The following FLYWCH2 variants were observed in gnomAD, a reference collection of about 807,000 sequenced individuals.
The protein encoded by FLYWCH2 is FLYWCH family member 2.
Under a neutral mutation model 6.0 loss-of-function variants are expected in FLYWCH2, and 2 were observed. That is an observed-to-expected ratio of 0.33 (90% CI 0.14 to 1.04). The LOEUF (loss-of-function observed/expected upper bound fraction) is 1.04. Among genes scored for constraint, FLYWCH2 ranks in the 50% least tolerant of loss-of-function variants. The pLI is 0.45. For synonymous variants in FLYWCH2, 87 were observed against 79.3 expected, an observed-to-expected ratio of 1.10 and a Z score of -0.52; for missense variants, 192 against 183.4, an observed-to-expected ratio of 1.05 and a Z score of -0.27.
intron 1 of FLYWCH2, among the ~76,000 whole-genome samples, chr16:2,888,050 CCAGGCTG>C (rs1388924941): frequency 9.2e-5 from 14 of 151,866 alleles, no homozygotes; most frequent in Non-Finnish European, 1.9e-4. Flanking sequence ...GCTCTGTTGC[CCAGGCTG>C]GAGTGTAGTG....
intron 1 of FLYWCH2, among the ~76,000 whole-genome samples, chr16:2,890,295 C>G (rs1263108098): frequency 6.6e-6 from 1 of 151,352 alleles, no homozygotes; most frequent in Admixed American, 6.6e-5. Flanking sequence ...GTTGCCCAGG[C>G]TGGAGTGCAG....
intron 1 of FLYWCH2, among the ~76,000 whole-genome samples, chr16:2,884,462 C>T (rs2069673628): frequency 6.8e-6 from 1 of 148,010 alleles, no homozygotes; most frequent in East Asian, 2.0e-4. Flanking sequence ...GTGGTTCACG[C>T]CTGTAATCCT....
intron 1 of FLYWCH2, among the ~76,000 whole-genome samples, chr16:2,889,890 G>C (rs148809824): frequency 3.9e-5 from 6 of 152,226 alleles, no homozygotes; most frequent in African/African-American, 1.4e-4. Flanking sequence ...TTCGAGACCA[G>C]TCTGGACGAC....
chr16:2,886,378 T>G (rs2069698512), intron 1 of FLYWCH2, among the ~76,000 whole-genome samples: 1 of 149,804 alleles, frequency 6.7e-6, no homozygotes, highest in African/African-American at 2.5e-5. Flanking sequence ...AAAATAATTT[T>G]TGTATTTTTA....
At chr16:2,891,396 T>G (rs2069755823) in intron 1 of FLYWCH2, among the ~76,000 whole-genome samples, 1 of 152,054 alleles carries the variant, frequency 6.6e-6, no homozygotes, top group African/African-American at 2.4e-5. Flanking sequence ...TCTCTCTATT[T>G]TATTTTTATT....
chr16:2,887,347 G>C (rs1351394791), intron 1 of FLYWCH2, among the ~76,000 whole-genome samples: 2 of 138,986 alleles, frequency 1.4e-5, no homozygotes, highest in South Asian at 2.3e-4. Context: ...TTTTAGTAGA[G>C]ATGAGGTCTC....
At chr16:2,897,423 C>T (rs1046612625) in intron 3 of FLYWCH2, among the ~76,000 whole-genome samples, 4 of 152,154 alleles carry the variant, frequency 2.6e-5, no homozygotes, top group Non-Finnish European at 5.9e-5. Context: ...GCCCTAGCTG[C>T]TGCGGGCTGG....
chr16:2,898,091 G>C (rs567967908), intron 3 of FLYWCH2, among the ~76,000 whole-genome samples: 1 of 152,308 alleles, frequency 6.6e-6, no homozygotes, highest in Non-Finnish European at 1.5e-5. Flanking sequence ...CTCACTGATG[G>C]AAATTGAGGG....
intron 1 of FLYWCH2, among the ~76,000 whole-genome samples, chr16:2,889,680 A>G (rs1480172307): frequency 6.6e-6 from 1 of 152,086 alleles, no homozygotes. Context: ...TTTATTTTGG[A>G]ATTATTTTAG....
intron 3 of FLYWCH2, chr16:2,898,839 G>A: frequency 4.4e-6 from 2 of 456,516 alleles, no homozygotes; most frequent in East Asian, 3.6e-5. Flanking sequence ...CAAGTTTCCT[G>A]GAAATGACTT....
intron 1 of FLYWCH2, among the ~76,000 whole-genome samples, chr16:2,884,704 G>A (rs1052058184): frequency 6.6e-6 from 1 of 151,082 alleles, no homozygotes; most frequent in African/African-American, 2.4e-5. Flanking sequence ...GAGAAACCCC[G>A]TCTCAACTAA....
chr16:2,893,112 G>T (rs1399434334), intron 1 of FLYWCH2, among the ~76,000 whole-genome samples: 1 of 151,582 alleles, frequency 6.6e-6, no homozygotes, highest in African/African-American at 2.4e-5. Flanking sequence ...ACCCGTCCAA[G>T]GACTCCATGT....
At chr16:2,889,209 C>CT (rs1329641985) in intron 1 of FLYWCH2, among the ~76,000 whole-genome samples, 2,177 of 126,348 alleles carry the variant, frequency 0.017, 90 homozygotes, top group African/African-American at 0.05. Context: ...CTAACCTTTA[C>CT]TTTTTTTTTT....
chr16:2,896,725 G>A lies in FLYWCH2; in HGVS notation c.276G>A (p.Glu92=). ...QTHPEAQRAI[E]AAPQEPEQKR... is the part of the protein sequence containing the mutation. ...ACCCCGAGGCCCAGCGGGCCATTGA[G>A]GCAGCCCCTCAGGAGCCTGAGCAGA... Residue 92 remains glutamate (E), a synonymous_variant, in exon 3 of 4, where the codon GAG becomes GAA. Transcript: ENST00000396958. 9 of 1,612,224 alleles carry A rather than the reference G, an allele frequency of 5.6e-6. No homozygotes were observed. Among genetic ancestry groups the A allele is most frequent in the African/African-American group, 1.3e-5 (1 of 75,064 alleles).
chr16:2,886,563 C>G (rs2069701430), intron 1 of FLYWCH2, among the ~76,000 whole-genome samples: 2 of 127,770 alleles, frequency 1.6e-5, no homozygotes, highest in Non-Finnish European at 3.1e-5. Flanking sequence ...CTCTTGTTGT[C>G]CCGGCTGGAG....
chr16:2,896,868 G>A (rs1273963311), intron 3 of FLYWCH2, 97 bp downstream of exon 3: 10 of 1,184,774 alleles, frequency 8.4e-6, no homozygotes, highest in South Asian at 2.9e-5. Context: ...CCTGGCATGC[G>A]GGTCCTTGTT....
At position 2,896,538 on chromosome 16, in the gene FLYWCH2, C is replaced by T. The variant is rs139891724; in HGVS notation, c.89C>T (p.Pro30Leu). The change falls in exon 3 of 4, where the codon CCG (proline) becomes CTG (leucine). Residue 30 changes from proline to leucine, a missense_variant. Pro to Leu is a moderately conservative substitution (Grantham distance 98). Coordinates refer to ENST00000396958, the MANE Select transcript of FLYWCH2 (RefSeq NM_138439.3). ...PSPKPGTEVI[P>L]AAPRKPRKFS... ...CCCAAGCCAGGCACAGAAGTCATCC[C>T]GGCAGCCCCCAGGAAGCCCAGAAAG... is the stretch of plus-strand genomic sequence containing the variant. 61 of 1,614,022 alleles carry T rather than the reference C, an allele frequency of 3.8e-5. No homozygotes were observed. The highest frequency in any genetic ancestry group is 4.5e-5 in the Non-Finnish European group (53 of 1,180,024).
chr16:2,899,042 C>T lies in FLYWCH2; in HGVS notation c.323-7C>T, dbSNP rs772165323. 3 of 1,608,044 alleles carry T rather than the reference C, an allele frequency of 1.9e-6. No homozygotes were observed. In the Admixed American group the frequency reaches 5.1e-5, roughly 27 times the overall value. ...ACACCAGCCTGATCCACCCTCTTCT[C>T]TCGCAGGCACAGACAGAACAGAAGA... is the stretch of plus-strand genomic sequence containing the variant. On this transcript the variant is annotated splice_polypyrimidine_tract_variant and splice_region_variant and intron_variant, in intron 3 of 3. Coordinates refer to ENST00000396958, the MANE Select transcript of FLYWCH2 (RefSeq NM_138439.3).
chr16:2,890,581 A>AT (rs1312928578), intron 1 of FLYWCH2, among the ~76,000 whole-genome samples: 8,011 of 123,044 alleles, frequency 0.065, 716 homozygotes, highest in African/African-American at 0.19. Flanking sequence ...CGCCCGGCCA[A>AT]TTTTTTTTTT....
Sources: gnomAD v4.1 joint callset for allele counts (sites outside exome capture counted in the v4.1 genomes callset) on GRCh38, gnomAD v4.1.1 for gene constraint, MANE v1.5 for transcripts, NCBI Gene and HGNC (gene_info 2026-07-23, HGNC 2026-07-21) for gene names.